The following ZNF536 variants were observed in gnomAD, a reference collection of about 807,000 sequenced individuals.
ZNF536 encodes the protein zinc finger protein 536.
A neutral mutation model predicts 84.5 loss-of-function variants in ZNF536; 13 were observed. The ratio of observed to expected loss-of-function variants is 0.15; its 90% CI spans 0.10 to 0.24. The LOEUF (loss-of-function observed/expected upper bound fraction) is 0.24, where lower values mean the gene tolerates loss of function less well. ZNF536 is among the 10% of genes least tolerant of loss of function. The pLI, the probability that ZNF536 is intolerant of heterozygous loss-of-function variation, is 1.00. For synonymous variants in ZNF536, 811 were observed against 742.5 expected (o/e 1.09, Z -1.50); for missense variants, 1,536 against 1,747.5 (o/e 0.88, Z 2.16).
chr19:30,302,404 T>C (rs568439630), intron 2 of ZNF536, among the ~76,000 whole-genome samples: 1 of 152,146 alleles, frequency 6.6e-6, no homozygotes, highest in Non-Finnish European at 1.5e-5. Flanking sequence ...CTGACTCCTT[T>C]CTAACTCCTA....
chr19:30,234,744 T>TACACAC lies in ZNF536; in HGVS notation c.-190+6096_-190+6101dup, dbSNP rs111232052. ...GCTTTTTGTTGCTTTATTACTAAAT[T>TACACAC]ACACACACACACACACACACACACA... On this transcript the variant is annotated intron_variant, in intron 1 of 5. Coordinates refer to the ZNF536 transcript ENST00000585628. 6.7e-3 allele frequency among the ~76,000 whole-genome samples: 988 copies of TACACAC among 147,722 alleles called. 9 individuals carry two copies. The highest frequency in any genetic ancestry group is 0.022 in the African/African-American group (879 of 39,852).
At chr19:30,656,864 G>C (rs1359847700) in intron 1 of ZNF536, among the ~76,000 whole-genome samples, 4 of 152,190 alleles carry the variant, frequency 2.6e-5, no homozygotes, top group African/African-American at 9.7e-5. Flanking sequence ...AATCGCAGGG[G>C]AGATGCGAGG....
intron 1 of ZNF536, among the ~76,000 whole-genome samples, chr19:30,664,932 A>C (rs1001751579): frequency 3.3e-5 from 5 of 150,656 alleles, no homozygotes; most frequent in African/African-American, 7.5e-5. Flanking sequence ...TCTTCCTATA[A>C]ATAGGTCACA....
intron 1 of ZNF536, among the ~76,000 whole-genome samples, chr19:30,383,668 C>T: frequency 8.4e-5 from 1 of 11,942 alleles, no homozygotes; most frequent in African/African-American, 3.4e-4. Context: ...CTTTCTCTTT[C>T]TTTCTTCCTT....
intron 2 of ZNF536, among the ~76,000 whole-genome samples, chr19:30,506,539 C>T (rs57598847): frequency 0.016 from 2,384 of 152,246 alleles, 71 homozygotes; most frequent in African/African-American, 0.054. Context: ...TGTGCTGAGG[C>T]GAGGGGAGGT....
At chr19:30,656,167 TTCCTCTCCAGTG>T (rs1417581890) in intron 1 of ZNF536, among the ~76,000 whole-genome samples, 17 of 152,292 alleles carry the variant, frequency 1.1e-4, no homozygotes, top group African/African-American at 4.1e-4. Context: ...TTCTCCTTGG[TTCCTCTCCAGTG>T]CTGTCCTTGG....
At chr19:30,255,479 A>G (rs900830585) in intron 1 of ZNF536, among the ~76,000 whole-genome samples, 1 of 152,198 alleles carries the variant, frequency 6.6e-6, no homozygotes, top group African/African-American at 2.4e-5. Flanking sequence ...GGGGTCCACA[A>G]GTGTCCCTCA....
chr19:30,662,971 T>C (rs2050180197), intron 1 of ZNF536, among the ~76,000 whole-genome samples: 1 of 148,498 alleles, frequency 6.7e-6, no homozygotes, highest in Non-Finnish European at 1.5e-5. Flanking sequence ...TCTTTTTTTT[T>C]TTTTTTTTTT....
intron 1 of ZNF536, among the ~76,000 whole-genome samples, chr19:30,585,730 T>G (rs1458363492): frequency 6.6e-6 from 1 of 152,138 alleles, no homozygotes; most frequent in Non-Finnish European, 1.5e-5. Context: ...CTCTGCATCT[T>G]CCCATCTCCC....
chr19:30,431,714 C>T (rs563628510), intron 1 of ZNF536, among the ~76,000 whole-genome samples: 1 of 152,278 alleles, frequency 6.6e-6, no homozygotes, highest in Non-Finnish European at 1.5e-5. Context: ...GGAGGTGTAG[C>T]CTGATGTCTA....
chr19:30,581,458 C>G (rs2046918343), intron 1 of ZNF536, among the ~76,000 whole-genome samples: 1 of 151,394 alleles, frequency 6.6e-6, no homozygotes, highest in East Asian at 2.0e-4. Flanking sequence ...GCCTAGGCAA[C>G]AGAGCCAGGG....
At chr19:30,621,699 G>A (rs1172623392) in intron 1 of ZNF536, among the ~76,000 whole-genome samples, 4 of 152,150 alleles carry the variant, frequency 2.6e-5, no homozygotes, top group East Asian at 3.8e-4. Context: ...AGGAGCAGCC[G>A]GGTGGGAGCC....
intron 2 of ZNF536, among the ~76,000 whole-genome samples, chr19:30,512,584 A>T (rs1444076877): frequency 6.6e-6 from 1 of 151,880 alleles, no homozygotes; most frequent in African/African-American, 2.4e-5. Context: ...CTGTGATACG[A>T]GTGTGGGTTA....
chr19:30,256,883 A>C (rs2024943806), intron 1 of ZNF536, among the ~76,000 whole-genome samples: 1 of 152,224 alleles, frequency 6.6e-6, no homozygotes, highest in African/African-American at 2.4e-5. Flanking sequence ...CAACATTTAC[A>C]ACAGTAAAAC....
Position 30,445,080 on chromosome 19 carries a change from G to T in ZNF536, c.1518G>T (p.Leu506=). The change falls in exon 2 of 5, where the codon CTG becomes CTT. Residue 506 remains leucine, a synonymous_variant. Coordinates refer to ENST00000355537, the MANE Select transcript of ZNF536 (RefSeq NM_014717.3). The surrounding 1 kb of genome is among the most constrained non-coding windows in gnomAD (Gnocchi z 4.5). The part of the protein sequence containing the change: ...PPLKSSCIER[L]QAAAKAAEMD... The stretch of plus-strand genomic sequence containing the variant: ...TGAAATCCAGCTGCATCGAGCGGCT[G>T]CAGGCGGCTGCCAAGGCTGCGGAGA... 6.2e-7 allele frequency: 1 copy of T among 1,613,516 alleles called. No homozygotes were observed. The highest frequency in any genetic ancestry group is 8.5e-7 in the Non-Finnish European group (1 of 1,180,024).
At chr19:30,683,870 G>A (rs1333685679) in intron 1 of ZNF536, among the ~76,000 whole-genome samples, 6 of 152,094 alleles carry the variant, frequency 3.9e-5, no homozygotes, top group Admixed American at 3.9e-4. Flanking sequence ...CACATTTCTT[G>A]TCCATCAACA....
chr19:30,587,738 G>T (rs1232482291), intron 1 of ZNF536, among the ~76,000 whole-genome samples: 1 of 152,242 alleles, frequency 6.6e-6, no homozygotes, highest in East Asian at 1.9e-4. Context: ...ACTGGCCATG[G>T]GAGTGGTGCT....
chr19:30,486,488 A>T (rs1213705422), intron 2 of ZNF536, among the ~76,000 whole-genome samples: 1 of 152,116 alleles, frequency 6.6e-6, no homozygotes, highest in East Asian at 1.9e-4. Flanking sequence ...CATTTTCTTT[A>T]TCCAGTCTAT....
chr19:30,438,765 C>T (rs990836740), intron 1 of ZNF536, among the ~76,000 whole-genome samples: 2 of 152,178 alleles, frequency 1.3e-5, no homozygotes, highest in Non-Finnish European at 2.9e-5. Flanking sequence ...GCAGCCTCGA[C>T]TTCCCAAGGC....
Sources: allele counts gnomAD v4.1 joint callset (sites outside exome capture counted in the v4.1 genomes callset), GRCh38; gene constraint gnomAD v4.1.1; non-coding constraint Gnocchi (gnomAD v3.1); transcripts MANE v1.5; gene names NCBI Gene and HGNC (gene_info 2026-07-23, HGNC 2026-07-21).